LYRM4: variants seen among roughly 807,000 people sequenced by gnomAD.
LYRM4 encodes the protein LYR motif-containing protein 4.
LYRM4 carries 9 observed loss-of-function variants against 11.7 expected under a neutral mutation model. The ratio of observed to expected loss-of-function variants is 0.77; its 90% CI spans 0.46 to 1.34. The LOEUF is 1.34. Ranked by LOEUF, LYRM4 falls within the 40% of genes most tolerant of loss-of-function variation. The pLI is 0.00. For missense variants in LYRM4, 133 were observed against 112.5 expected (o/e 1.18, Z -0.82); for synonymous variants, 42 against 40.4 (o/e 1.04, Z -0.15).
intron 1 of LYRM4, among the ~76,000 whole-genome samples, chr6:5,221,805 C>T (rs940092940): frequency 6.6e-6 from 1 of 152,222 alleles, no homozygotes; most frequent in Admixed American, 6.5e-5. Context: ...TACTTAGAGA[C>T]TCATCCTAAA....
intron 2 of LYRM4, among the ~76,000 whole-genome samples, chr6:5,158,469 C>T (rs1180499858): frequency 6.9e-6 from 1 of 144,060 alleles, no homozygotes; most frequent in Non-Finnish European, 1.5e-5. Context: ...TCTCTGGTCT[C>T]CACGTTTTTT....
intron 2 of LYRM4, among the ~76,000 whole-genome samples, chr6:5,128,400 T>C (rs1763793100): frequency 6.6e-6 from 1 of 152,150 alleles, no homozygotes. Context: ...ACAAATTGCG[T>C]CCCTAGCTCA....
At chr6:5,136,384 G>C in intron 2 of LYRM4, 2 of 985,344 alleles carry the variant, frequency 2.0e-6, no homozygotes, top group African/African-American at 1.7e-5. Flanking sequence ...GTGGAGAAGC[G>C]GGAAGACACG....
At chr6:5,047,929 T>G in the LYRM4 span, among the ~76,000 whole-genome samples, 537 of 152,316 alleles carry the variant, frequency 3.5e-3, 3 homozygotes, top group African/African-American at 0.012. Context: ...TTCCCAGGTC[T>G]GCTTCCTCCA....
At chr6:5,198,977 C>T (rs1328004823) in intron 2 of LYRM4, among the ~76,000 whole-genome samples, 1 of 152,170 alleles carries the variant, frequency 6.6e-6, no homozygotes. Flanking sequence ...AATGGTTCAG[C>T]CACTTTGGAA....
At chr6:5,076,179 C>T in the LYRM4 span, among the ~76,000 whole-genome samples, 1 of 152,138 alleles carries the variant, frequency 6.6e-6, no homozygotes, top group African/African-American at 2.4e-5. Context: ...CTCCTGGGCT[C>T]AAGTGATCCA....
rs1057076745 is a variant in LYRM4 at position 5,200,524 on chromosome 6, C to A, written c.207+16094G>T. ...AAACTTCTAAACAGAGTCTGAAAGT[C>A]GGTAAAAGTGCAACAGAATAAAAAT... On this transcript the variant is annotated intron_variant, in intron 2 of 2. Transcript: ENST00000330636. Among the ~76,000 whole-genome samples the A allele has an allele frequency of 4.6e-5, 7 of 152,200 alleles. No individual in the cohort carries two copies. In the South Asian group the frequency reaches 1.5e-3, roughly 32 times the overall value.
intron 1 of LYRM4, chr6:5,218,466 T>C: frequency 1.3e-6 from 1 of 782,492 alleles, no homozygotes; most frequent in Non-Finnish European, 1.6e-6. Context: ...CATTTTACAT[T>C]AAAAAATTCA....
intron 2 of LYRM4, chr6:5,186,845 G>C (rs533408225): frequency 5.8e-6 from 3 of 513,412 alleles, no homozygotes. Flanking sequence ...TTAGCCAGGC[G>C]TGGTGGCGTG....
chr6:5,161,957 T>C (rs1333794349), intron 2 of LYRM4, among the ~76,000 whole-genome samples: 1 of 152,168 alleles, frequency 6.6e-6, no homozygotes, highest in Non-Finnish European at 1.5e-5. Context: ...TCTGTGAGCA[T>C]CTTCATGAAA....
At chr6:5,249,162 T>C (rs1024000661) in intron 1 of LYRM4, among the ~76,000 whole-genome samples, 1 of 152,228 alleles carries the variant, frequency 6.6e-6, no homozygotes, top group Non-Finnish European at 1.5e-5. Flanking sequence ...CCTACTAGAA[T>C]ACCAAATATT....
intron 2 of LYRM4, among the ~76,000 whole-genome samples, chr6:5,205,429 G>A (rs187929092): frequency 3.1e-4 from 47 of 151,286 alleles, no homozygotes; most frequent in African/African-American, 1.1e-3. Context: ...CATAAAATAC[G>A]ACTATCGGGG....
intron 1 of LYRM4, among the ~76,000 whole-genome samples, chr6:5,247,446 G>T (rs1181880324): frequency 6.6e-6 from 1 of 152,192 alleles, no homozygotes. Context: ...TTTTTGTTTA[G>T]TCAAGCGTAA....
At chr6:5,077,801 G>T in the LYRM4 span, among the ~76,000 whole-genome samples, 2 of 152,128 alleles carry the variant, frequency 1.3e-5, no homozygotes, top group Non-Finnish European at 2.9e-5. Context: ...TAAAATAAAT[G>T]ATTATACAAC....
intron 2 of LYRM4, chr6:5,186,795 C>CT: frequency 1.6e-6 from 1 of 611,108 alleles, no homozygotes; most frequent in Non-Finnish European, 2.5e-6. Flanking sequence ...ACCAGCCTGA[C>CT]TAATACAGTG....
intron 2 of LYRM4, among the ~76,000 whole-genome samples, chr6:5,145,350 C>A (rs1757660139): frequency 6.6e-6 from 1 of 152,226 alleles, no homozygotes; most frequent in African/African-American, 2.4e-5. Context: ...GTGTAAGTGC[C>A]TTATCGCCCT....
chr6:5,086,407 CCG>C, the LYRM4 span: 1 of 1,536,324 alleles, frequency 6.5e-7, no homozygotes, highest in South Asian at 1.2e-5. Context: ...GTGCCTGCCC[CCG>C]GGCCTGCAGC....
downstream of LYRM4, among the ~76,000 whole-genome samples, chr6:5,098,877 A>G (rs750924056): frequency 2.1e-4 from 32 of 152,096 alleles, no homozygotes; most frequent in Admixed American, 1.3e-4. Flanking sequence ...ACTTTACTCA[A>G]TCCTAACTCT....
At chr6:5,070,826 G>A in the LYRM4 span, among the ~76,000 whole-genome samples, 1 of 127,910 alleles carries the variant, frequency 7.8e-6, no homozygotes, top group Non-Finnish European at 1.6e-5. Context: ...AGCCATGATT[G>A]TACCATTGCA....
Sources: gnomAD v4.1 joint callset for allele counts (sites outside exome capture counted in the v4.1 genomes callset) on GRCh38, gnomAD v4.1.1 for gene constraint, MANE v1.5 for transcripts, NCBI Gene and HGNC (gene_info 2026-07-23, HGNC 2026-07-21) for gene names.